CDH13: variants seen among roughly 807,000 people sequenced by gnomAD.
CDH13 encodes cadherin-13.
A neutral mutation model predicts 63.8 loss-of-function variants in CDH13; 24 were observed. The observed-to-expected ratio is 0.38, with a 90% CI of 0.27 to 0.53. The LOEUF (loss-of-function observed/expected upper bound fraction) is 0.53, where lower values mean the gene tolerates loss of function less well. Ranked by LOEUF, CDH13 falls within the 20% of genes least tolerant of loss-of-function variation. The pLI is 0.85. For missense variants in CDH13, 1,049 were observed against 903.1 expected (o/e 1.16, Z -2.07); for synonymous variants, 503 against 355.3 (o/e 1.42, Z -4.67).
intron 5 of CDH13, among the ~76,000 whole-genome samples, chr16:83,221,657 C>A (rs1158516862): frequency 1.1e-5 from 1 of 91,458 alleles, no homozygotes; most frequent in African/African-American, 4.2e-5. Context: ...GGGAGGAAGA[C>A]GGTGGGGGGG....
intron 3 of CDH13, among the ~76,000 whole-genome samples, chr16:83,036,207 T>C (rs1030586004): frequency 1.4e-5 from 2 of 145,176 alleles, no homozygotes; most frequent in Non-Finnish European, 3.0e-5. Flanking sequence ...TGGAGTGCAA[T>C]GGTACAATCT....
chr16:83,777,956 C>T (rs984783728), intron 11 of CDH13, among the ~76,000 whole-genome samples: 11 of 152,184 alleles, frequency 7.2e-5, no homozygotes, highest in Admixed American at 5.9e-4. Context: ...ATCTGTACTT[C>T]ATCTTAGCCA....
At chr16:82,761,684 C>G (rs1451973077) in intron 1 of CDH13, among the ~76,000 whole-genome samples, 3 of 152,206 alleles carry the variant, frequency 2.0e-5, no homozygotes, top group Non-Finnish European at 4.4e-5. Flanking sequence ...TGTTTCATAT[C>G]TCAACAACTT....
intron 1 of CDH13, among the ~76,000 whole-genome samples, chr16:82,750,211 G>T (rs918241468): frequency 1.3e-5 from 2 of 152,154 alleles, no homozygotes; most frequent in Admixed American, 6.5e-5. Context: ...GCAGATGGTG[G>T]GGGTATCTGT....
chr16:83,071,568 T>A (rs2032440587), intron 3 of CDH13, among the ~76,000 whole-genome samples: 1 of 152,152 alleles, frequency 6.6e-6, no homozygotes, highest in South Asian at 2.1e-4. Flanking sequence ...GGGAGGCTTG[T>A]TCACTTCAGG....
At chr16:83,151,632 T>TA (rs1056547985) in intron 4 of CDH13, among the ~76,000 whole-genome samples, 5 of 151,520 alleles carry the variant, frequency 3.3e-5, no homozygotes, top group African/African-American at 4.8e-5. Flanking sequence ...AGGATAGCTT[T>TA]AAAAAAAAAT....
At chr16:82,671,983 T>C (rs1481543640) in intron 1 of CDH13, among the ~76,000 whole-genome samples, 2 of 152,150 alleles carry the variant, frequency 1.3e-5, no homozygotes, top group African/African-American at 2.4e-5. Flanking sequence ...GCCCTGAGAC[T>C]ATCACCTGCT....
At chr16:82,687,633 G>A (rs1245884374) in intron 1 of CDH13, among the ~76,000 whole-genome samples, 5 of 152,200 alleles carry the variant, frequency 3.3e-5, no homozygotes, top group South Asian at 2.1e-4. Context: ...CCCTGCCCCC[G>A]AGATTCAGTT....
chr16:83,301,122 C>CCGG (rs2089731607), intron 5 of CDH13, among the ~76,000 whole-genome samples: 1 of 144,708 alleles, frequency 6.9e-6, no homozygotes, highest in African/African-American at 2.5e-5. Context: ...ACCTCTGCCT[C>CCGG]CGGGGTTCGA....
At chr16:83,222,701 G>T (rs1270480231) in intron 5 of CDH13, among the ~76,000 whole-genome samples, 1 of 151,970 alleles carries the variant, frequency 6.6e-6, no homozygotes, top group African/African-American at 2.4e-5. Context: ...CAGGGTTCTT[G>T]GTGGCAGTCA....
intron 13 of CDH13, among the ~76,000 whole-genome samples, chr16:83,792,971 T>G (rs1916372344): frequency 1.3e-5 from 2 of 152,192 alleles, no homozygotes; most frequent in Admixed American, 1.3e-4. Flanking sequence ...CATCTGAAGT[T>G]CTTAGCAGAG....
chr16:83,252,107 T>TACACACACACAC (rs149781230), intron 5 of CDH13, among the ~76,000 whole-genome samples: 51,570 of 135,608 alleles, frequency 0.38, 10,437 homozygotes, highest in Non-Finnish European at 0.44. Context: ...ATATATATTA[T>TACACACACACAC]ACACACACAC....
intron 5 of CDH13, among the ~76,000 whole-genome samples, chr16:83,227,851 C>G (rs1347853013): frequency 6.6e-6 from 1 of 152,206 alleles, no homozygotes; most frequent in African/African-American, 2.4e-5. Context: ...GGACATTGAT[C>G]TGGCACCCAA....
chr16:83,783,937 A>G (rs1035310987), intron 13 of CDH13, among the ~76,000 whole-genome samples: 4 of 152,216 alleles, frequency 2.6e-5, no homozygotes, highest in African/African-American at 9.7e-5. Flanking sequence ...ATAAATGCAT[A>G]ATTTACACTG....
rs375522766 is a variant in CDH13, at chr16:83,503,855, T to C, written c.960+17200T>C. On this transcript the variant is annotated intron_variant, in intron 7 of 13. Coordinates refer to ENST00000567109, the MANE Select transcript of CDH13 (RefSeq NM_001257.5). Reference sequence around the variant, plus strand: ...CATTCTATAGGTTGCCTGTTCATTCTGATGATAGTTTCTTTTGCTGTGCAG... The same window carrying C: ...CATTCTATAGGTTGCCTGTTCATTCCGATGATAGTTTCTTTTGCTGTGCAG... Among the ~76,000 whole-genome samples the C allele has an allele frequency of 2.4e-4, 36 of 152,256 alleles. No individual in the cohort carries two copies. The East Asian group carries it at 6.8e-3, about 29-fold the overall frequency.
chr16:83,208,983 T>C (rs533172386), intron 4 of CDH13, among the ~76,000 whole-genome samples: 1 of 152,244 alleles, frequency 6.6e-6, no homozygotes, highest in South Asian at 2.1e-4. Context: ...CTCCTAAGCA[T>C]TACCACTGCC....
intron 8 of CDH13, among the ~76,000 whole-genome samples, chr16:83,633,678 G>A (rs547243850): frequency 7.0e-4 from 107 of 152,242 alleles, no homozygotes; most frequent in African/African-American, 2.4e-3. Flanking sequence ...CCAGGAAGAC[G>A]CACACTGGCT....
At chr16:83,145,692 C>T (rs779556333) in intron 4 of CDH13, among the ~76,000 whole-genome samples, 21 of 152,186 alleles carry the variant, frequency 1.4e-4, no homozygotes, top group Non-Finnish European at 2.4e-4. Flanking sequence ...GGCTTATTCT[C>T]TTCCTCATTC....
intron 2 of CDH13, among the ~76,000 whole-genome samples, chr16:82,879,152 T>C (rs1452087387): frequency 6.6e-6 from 1 of 152,132 alleles, no homozygotes; most frequent in African/African-American, 2.4e-5. Context: ...ACAGCTCTGG[T>C]CCTCATAGTA....
Sources: allele counts gnomAD v4.1 joint callset (sites outside exome capture counted in the v4.1 genomes callset), GRCh38; gene constraint gnomAD v4.1.1; transcripts MANE v1.5; gene names NCBI Gene and HGNC (gene_info 2026-07-23, HGNC 2026-07-21).